C10orf90: variants seen among roughly 807,000 people sequenced by gnomAD.
C10orf90 encodes the protein chromosome 10 open reading frame 90.
In C10orf90, 56 loss-of-function variants were observed where a neutral mutation model predicts 62.5. That is an observed-to-expected ratio of 0.90 (90% CI 0.72 to 1.12). The LOEUF is 1.12. C10orf90 is among the 50% of genes most tolerant of loss of function. The pLI is 0.00. For missense variants in C10orf90, 970 were observed against 880.4 expected, an observed-to-expected ratio of 1.10 and a Z score of -1.29; for synonymous variants, 386 against 340.4, an observed-to-expected ratio of 1.13 and a Z score of -1.47.
intron 7 of C10orf90, among the ~76,000 whole-genome samples, chr10:126,437,232 A>G (rs1857979681): frequency 6.6e-6 from 1 of 152,214 alleles, no homozygotes; most frequent in Admixed American, 6.5e-5. Context: ...TTCTCTGCAA[A>G]AGATATAAGG....
At chr10:126,623,858 AG>A (rs1488199191) in intron 2 of C10orf90, among the ~76,000 whole-genome samples, 6 of 151,332 alleles carry the variant, frequency 4.0e-5, no homozygotes, top group Non-Finnish European at 7.4e-5. Flanking sequence ...AAAAAAAAAA[AG>A]AATGAGAGCT....
chr10:126,539,481 C>G (rs1454133172), intron 2 of C10orf90, among the ~76,000 whole-genome samples: 1 of 152,122 alleles, frequency 6.6e-6, no homozygotes, highest in Non-Finnish European at 1.5e-5. Context: ...ATGTACCATG[C>G]TAGTTAAAAT....
At chr10:126,518,322 A>C (rs1003072347) in intron 2 of C10orf90, among the ~76,000 whole-genome samples, 1 of 152,192 alleles carries the variant, frequency 6.6e-6, no homozygotes, top group Non-Finnish European at 1.5e-5. Context: ...GTGCTTTAGC[A>C]AGCATTCCAG....
chr10:126,434,772 G>A (rs899290454), intron 7 of C10orf90, among the ~76,000 whole-genome samples: 8 of 152,284 alleles, frequency 5.3e-5, no homozygotes, highest in African/African-American at 1.9e-4. Context: ...AAGTCACTAG[G>A]TCTCTGCCGC....
chr10:126,516,560 C>T (rs944085969), intron 2 of C10orf90, among the ~76,000 whole-genome samples: 2 of 152,202 alleles, frequency 1.3e-5, no homozygotes, highest in Non-Finnish European at 2.9e-5. Flanking sequence ...ACATAACCAG[C>T]CCTTAGTGCA....
Position 126,629,388 on chromosome 10 carries a change from G to A in C10orf90, c.313+17177C>T, listed in dbSNP as rs79016210. 5.1e-3 allele frequency among the ~76,000 whole-genome samples: 782 copies of A among 152,276 alleles called. 7 individuals are homozygous for A. The highest frequency in any genetic ancestry group is 0.017 in the Middle Eastern group (5 of 294). On this transcript the variant is annotated intron_variant, in intron 2 of 9. Transcript: ENST00000488181. ...GTCTGATGGATACATTCTAATGAAG[G>A]AGAAACATCTGGCCAGAGACCATCT... is the stretch of plus-strand genomic sequence containing the variant.
intron 4 of C10orf90, among the ~76,000 whole-genome samples, chr10:126,476,711 G>A (rs1019199653): frequency 3.9e-5 from 6 of 152,202 alleles, no homozygotes; most frequent in African/African-American, 1.4e-4. Context: ...ATTTCTCTTC[G>A]CTGAGAGTAA....
intron 1 of C10orf90, among the ~76,000 whole-genome samples, chr10:126,667,048 TTTTG>T (rs1846644303): frequency 2.0e-5 from 3 of 151,488 alleles, no homozygotes; most frequent in African/African-American, 4.8e-5. Context: ...CCCAATTTTT[TTTTG>T]TTTGTTTTGT....
intron 7 of C10orf90, among the ~76,000 whole-genome samples, chr10:126,447,214 CA>C (rs1479443582): frequency 6.7e-6 from 1 of 150,358 alleles, no homozygotes; most frequent in African/African-American, 2.4e-5. Context: ...ATTCTCCAAT[CA>C]AAAAAGCATA....
intron 2 of C10orf90, among the ~76,000 whole-genome samples, chr10:126,645,505 G>A (rs972889149): frequency 1.3e-5 from 2 of 151,384 alleles, no homozygotes; most frequent in Non-Finnish European, 1.5e-5. Flanking sequence ...TGGGAGGATC[G>A]CTTGAGCCCA....
chr10:126,550,146 G>A (rs1054248152), intron 2 of C10orf90, among the ~76,000 whole-genome samples: 4 of 151,842 alleles, frequency 2.6e-5, no homozygotes, highest in African/African-American at 9.7e-5. Context: ...TTAGTAGACA[G>A]GGTTTTGCCA....
intron 7 of C10orf90, among the ~76,000 whole-genome samples, chr10:126,443,696 G>T (rs549386742): frequency 1.3e-5 from 2 of 151,852 alleles, no homozygotes; most frequent in African/African-American, 4.8e-5. Flanking sequence ...ACCTTAATAC[G>T]AAAACCAGGA....
chr10:126,628,604 A>G (rs1348721790), intron 2 of C10orf90, among the ~76,000 whole-genome samples: 1 of 152,208 alleles, frequency 6.6e-6, no homozygotes, highest in African/African-American at 2.4e-5. Context: ...CAGGCTCCCC[A>G]ATGCAAGGCA....
In C10orf90 at chr10:126,593,126, G is replaced by C. The variant is rs530084080; in HGVS notation, c.313+53439C>G. The stretch of plus-strand genomic sequence containing the variant: ...ATTCAACCATTGTGGAAGACAATGT[G>C]GTGATTTCTCAAAGATCTAGAAGCG... On this transcript the variant is annotated intron_variant, in intron 2 of 9. Transcript: ENST00000488181. 2.6e-5 allele frequency among the ~76,000 whole-genome samples: 4 copies of C among 152,282 alleles called. No homozygotes were observed. In the East Asian group the frequency reaches 7.7e-4, roughly 29 times the overall value.
chr10:126,545,171 GCC>G (rs1204665567), intron 2 of C10orf90, among the ~76,000 whole-genome samples: 1 of 152,008 alleles, frequency 6.6e-6, no homozygotes, highest in Non-Finnish European at 1.5e-5. Flanking sequence ...ATCATACCCA[GCC>G]CTCCCTCTGA....
At chr10:126,550,121 A>C (rs1409360170) in intron 2 of C10orf90, among the ~76,000 whole-genome samples, 2 of 151,452 alleles carry the variant, frequency 1.3e-5, no homozygotes, top group South Asian at 2.1e-4. Flanking sequence ...ACGCCTGGCT[A>C]ATTTTTTGTA....
intron 1 of C10orf90, among the ~76,000 whole-genome samples, chr10:126,652,268 A>G (rs1564910363): frequency 6.6e-6 from 1 of 152,206 alleles, no homozygotes; most frequent in Non-Finnish European, 1.5e-5. Flanking sequence ...TCTAAAATAA[A>G]TCAGCATGAA....
intron 2 of C10orf90, among the ~76,000 whole-genome samples, chr10:126,611,518 CA>C (rs1845434422): frequency 6.6e-6 from 1 of 152,070 alleles, no homozygotes; most frequent in Admixed American, 6.5e-5. Context: ...ATGGAGTTGC[CA>C]GGTCATATGG....
At chr10:126,582,494 C>G (rs575140941) in intron 2 of C10orf90, among the ~76,000 whole-genome samples, 1 of 152,152 alleles carries the variant, frequency 6.6e-6, no homozygotes, top group Non-Finnish European at 1.5e-5. Context: ...GAGACACCAG[C>G]GTTCACTGTG....
Sources: gnomAD v4.1 joint callset for allele counts (sites outside exome capture counted in the v4.1 genomes callset) on GRCh38, gnomAD v4.1.1 for gene constraint, MANE v1.5 for transcripts, NCBI Gene and HGNC (gene_info 2026-07-23, HGNC 2026-07-21) for gene names.